Variants in LPCAT2 observed in about 807,000 individuals in gnomAD.
The protein encoded by LPCAT2 is 1-AGP acyltransferase 11.
Under a neutral mutation model 64.7 loss-of-function variants are expected in LPCAT2, and 58 were observed. The observed-to-expected ratio is 0.90, with a 90% CI of 0.73 to 1.12. LPCAT2 has a LOEUF of 1.12. LPCAT2 is among the 50% of genes most tolerant of loss of function. The probability of loss-of-function intolerance (pLI) is 0.00; values close to 1 mark genes in which losing one functional copy is unlikely to be tolerated. For synonymous variants in LPCAT2, 252 were observed against 245.3 expected (o/e 1.03, Z -0.26); for missense variants, 579 against 669.8 (o/e 0.86, Z 1.50).
chr16:55,564,004 A>G (rs565749088), intron 11 of LPCAT2, among the ~76,000 whole-genome samples: 3 of 152,074 alleles, frequency 2.0e-5, no homozygotes, highest in Non-Finnish European at 2.9e-5. Flanking sequence ...GGACTTAGCA[A>G]TGTTACAGGA....
At chr16:55,531,270 C>G (rs1384191597) in intron 4 of LPCAT2, among the ~76,000 whole-genome samples, 2 of 152,004 alleles carry the variant, frequency 1.3e-5, no homozygotes, top group African/African-American at 4.8e-5. Context: ...TTATTCATGG[C>G]TAAATTTTAA....
intron 11 of LPCAT2, chr16:55,566,792 T>C (rs756657253): frequency 1.2e-6 from 2 of 1,613,696 alleles, no homozygotes; most frequent in South Asian, 1.1e-5. Flanking sequence ...AAGGAGCAGA[T>C]CGAGGTCTTG....
chr16:55,559,302 G>C (rs1963609393), intron 11 of LPCAT2, among the ~76,000 whole-genome samples: 1 of 152,086 alleles, frequency 6.6e-6, no homozygotes, highest in Non-Finnish European at 1.5e-5. Flanking sequence ...TTAAATACTG[G>C]ACAGGAAAAG....
In LPCAT2 at chr16:55,525,631, A is replaced by G; in HGVS notation, c.295A>G (p.Ile99Val). 1.2e-6 allele frequency: 2 copies of G among 1,606,332 alleles called. No homozygotes were observed. The highest frequency in any genetic ancestry group is 2.2e-5 in the East Asian group (1 of 44,560). Residue 99 changes from isoleucine to valine, a missense_variant, in exon 2 of 14, where the codon ATA (isoleucine) becomes GTA (valine). Ile to Val is a conservative substitution (Grantham distance 29). Coordinates refer to ENST00000262134, the MANE Select transcript of LPCAT2 (RefSeq NM_017839.5). ...CTGTCCTGAAAAGCTGACCCACCCAATAACTGGTTGGAGGAGGTAAGAAAT... is the reference window on the plus strand; with the variant it reads ...CTGTCCTGAAAAGCTGACCCACCCAGTAACTGGTTGGAGGAGGTAAGAAAT... ...VCCPEKLTHP[I>V]TGWRRKITQT...
intron 1 of LPCAT2, among the ~76,000 whole-genome samples, chr16:55,522,864 GA>G (rs1377380533): frequency 6.6e-6 from 1 of 151,060 alleles, no homozygotes; most frequent in Admixed American, 6.6e-5. Flanking sequence ...GCTTCTAGAA[GA>G]AAAAAATATA....
chr16:55,567,418 G>T lies in LPCAT2; in HGVS notation c.1216-7213G>T, dbSNP rs757438974. 7 of 1,613,652 alleles carry T rather than the reference G, an allele frequency of 4.3e-6. No individual in the cohort carries two copies. In the African/African-American group the frequency reaches 9.3e-5, roughly 22 times the overall value. On this transcript the variant is annotated intron_variant, in intron 11 of 13. Coordinates refer to ENST00000262134, the MANE Select transcript of LPCAT2 (RefSeq NM_017839.5). Reference sequence around the variant, plus strand: ...TTGGTCCGCCTGGATGCCATGTTTCGTGCCTTCAAGTCTCTGGATAGAGAT... The same window carrying T: ...TTGGTCCGCCTGGATGCCATGTTTCTTGCCTTCAAGTCTCTGGATAGAGAT...
chr16:55,509,407 G>A (rs1567387356), intron 1 of LPCAT2, 55 bp downstream of exon 1: 1 of 1,332,214 alleles, frequency 7.5e-7, no homozygotes, highest in East Asian at 3.0e-5. Context: ...TAGGTCAGAG[G>A]GGGGTCCAGG....
chr16:55,576,500 C>T (rs941447814), intron 12 of LPCAT2, among the ~76,000 whole-genome samples: 11 of 151,836 alleles, frequency 7.2e-5, no homozygotes, highest in African/African-American at 2.7e-4. Flanking sequence ...AGGGAGTAGA[C>T]TCAAGGGAAA....
intron 1 of LPCAT2, among the ~76,000 whole-genome samples, chr16:55,516,802 A>G (rs1204595877): frequency 1.3e-5 from 2 of 152,228 alleles, no homozygotes; most frequent in African/African-American, 4.8e-5. Context: ...ACAGATATGT[A>G]TGTAGAACAC....
intron 8 of LPCAT2, chr16:55,539,122 C>T (rs1402310679): frequency 6.6e-6 from 1 of 152,028 alleles, no homozygotes; most frequent in African/African-American, 2.4e-5. Flanking sequence ...GAAATGTATA[C>T]AAAGCTGTCT....
Position 55,528,362 on chromosome 16 carries a change from T to C in LPCAT2, c.312-15T>C. ...AATTAACAGAGCTAATTACATCTTTTCTATATTTTCAAAGGAAAATTACTC... is the reference window on the plus strand; with the variant it reads ...AATTAACAGAGCTAATTACATCTTTCCTATATTTTCAAAGGAAAATTACTC... On this transcript the variant is annotated splice_polypyrimidine_tract_variant and intron_variant, in intron 2 of 13. Transcript: ENST00000262134. 1 of 1,602,452 alleles carries C rather than the reference T, an allele frequency of 6.2e-7. No individual in the cohort carries two copies. The highest frequency in any genetic ancestry group is 8.5e-7 in the Non-Finnish European group (1 of 1,170,346).
chr16:55,583,287 T>C lies in LPCAT2; in HGVS notation c.*189T>C. On this transcript the variant is annotated 3_prime_UTR_variant, in exon 14 of 14. Transcript: ENST00000262134. The stretch of plus-strand genomic sequence containing the variant: ...TTTATTGGAAAAAATCAAGCAATAT[T>C]TCGTTTTCTTTTGTGTTATATTGTA... The C allele has an allele frequency of 1.8e-6, 1 of 546,564 alleles. No homozygotes were observed. Among genetic ancestry groups the C allele is most frequent in the South Asian group, 2.7e-5 (1 of 36,940 alleles). The allele number at this position is 546,564 out of a possible 1,614,324, so 33.9% of individuals were successfully genotyped here. A position where few individuals can be genotyped will look rare whatever the true frequency, so the allele number is the denominator to read the frequency against.
intron 1 of LPCAT2, among the ~76,000 whole-genome samples, chr16:55,515,348 C>T (rs538901739): frequency 1.2e-4 from 18 of 151,414 alleles, no homozygotes; most frequent in Admixed American, 3.9e-4. Context: ...ATATTCAAAG[C>T]GCTGAAAGAA....
chr16:55,574,805 T>C lies in LPCAT2; in HGVS notation c.1314+76T>C, dbSNP rs148021718. 509 of 1,044,318 alleles carry C rather than the reference T, an allele frequency of 4.9e-4. 3 individuals carry two copies. The African/African-American group carries it at 7.6e-3, about 16-fold the overall frequency. The allele number at this position is 1,044,318 out of a possible 1,614,324, so 64.7% of individuals were successfully genotyped here. On this transcript the variant is annotated intron_variant, in intron 12 of 13. Coordinates refer to ENST00000262134, the MANE Select transcript of LPCAT2 (RefSeq NM_017839.5). ...TGACTCTAAGTGTATTATTTGAAAA[T>C]CAGTGAATCTATTATGTGATTTTAT...
intron 8 of LPCAT2, chr16:55,541,787 C>T (rs1367542391): frequency 1.9e-6 from 2 of 1,030,114 alleles, no homozygotes; most frequent in East Asian, 1.2e-4. Flanking sequence ...TATGTGCTGG[C>T]ACATAGTAAG....
chr16:55,525,713 A>G (rs1222391220), intron 2 of LPCAT2, 66 bp downstream of exon 2: 1 of 1,246,670 alleles, frequency 8.0e-7, no homozygotes. Context: ...AAATCAATAT[A>G]AGAAGAGTTC....
At chr16:55,539,938 A>G (rs1963375725) in intron 8 of LPCAT2, 1 of 152,184 alleles carries the variant, frequency 6.6e-6, no homozygotes, top group African/African-American at 2.4e-5. Flanking sequence ...TTTTCAAATG[A>G]ACTTTGAATG....
At chr16:55,514,008 GC>G (rs759785315) in intron 1 of LPCAT2, among the ~76,000 whole-genome samples, 2 of 152,098 alleles carry the variant, frequency 1.3e-5, no homozygotes, top group African/African-American at 2.4e-5. Context: ...TTTAAGGCCA[GC>G]CCGGGCAACA....
chr16:55,559,512 C>T (rs964051855), intron 11 of LPCAT2, among the ~76,000 whole-genome samples: 2 of 152,118 alleles, frequency 1.3e-5, no homozygotes, highest in Non-Finnish European at 2.9e-5. Flanking sequence ...TCCTTGCCTG[C>T]CCCTTCCTGT....
Sources: allele counts gnomAD v4.1 joint callset (sites outside exome capture counted in the v4.1 genomes callset), GRCh38; gene constraint gnomAD v4.1.1; transcripts MANE v1.5; gene names NCBI Gene and HGNC (gene_info 2026-07-23, HGNC 2026-07-21).